The following TMEM63A variants were observed in gnomAD, a reference collection of about 807,000 sequenced individuals.
TMEM63A encodes the protein transmembrane protein 63A.
Under a neutral mutation model 100.6 loss-of-function variants are expected in TMEM63A, and 76 were observed. The observed-to-expected ratio is 0.76, with a 90% CI of 0.63 to 0.91. The LOEUF is 0.91. TMEM63A is among the 40% of genes least tolerant of loss of function. TMEM63A has a pLI of 0.00. For missense variants in TMEM63A, 876 were observed against 1,008.8 expected (o/e 0.87, Z 1.78); for synonymous variants, 401 against 401.1 (o/e 1.00, Z 0.00).
Position 225,866,701 on chromosome 1 carries a change from G to A in TMEM63A, c.567-19C>T. On this transcript the variant is annotated intron_variant, in intron 8 of 24. Coordinates refer to ENST00000366835, the MANE Select transcript of TMEM63A (RefSeq NM_014698.3). ...GTCATTGCTGAGAGGGAAACCACCT[G>A]CCATCAGGGCTGGGATCCCAGGCAG... The A allele has an allele frequency of 6.2e-7, 1 of 1,610,446 alleles. No individual in the cohort carries two copies. The highest frequency in any genetic ancestry group is 8.5e-7 in the Non-Finnish European group (1 of 1,177,084).
At chr1:225,842,554 G>A, downstream of TMEM63A, 7 of 1,049,358 alleles carry the variant, frequency 6.7e-6, no homozygotes, top group Admixed American at 3.4e-5. Flanking sequence ...CCCTTGTCTG[G>A]TTGCTCTGCA....
downstream of TMEM63A, chr1:225,844,348 C>A: frequency 1.6e-6 from 2 of 1,254,718 alleles, no homozygotes; most frequent in Non-Finnish European, 2.3e-6. Flanking sequence ...CGCAGCCTGC[C>A]TGTGACACGA....
intron 10 of TMEM63A, chr1:225,864,780 G>A (rs1670117244): frequency 6.6e-6 from 1 of 152,226 alleles, no homozygotes; most frequent in Admixed American, 6.5e-5. Flanking sequence ...TTAAAGTGCA[G>A]CCAACTCCTA....
chr1:225,862,763 C>A lies in TMEM63A; in HGVS notation c.827+8G>T. On this transcript the variant is annotated splice_region_variant and intron_variant, in intron 11 of 24. Coordinates refer to ENST00000366835, the MANE Select transcript of TMEM63A (RefSeq NM_014698.3). The surrounding 1 kb of genome is among the most constrained non-coding windows in gnomAD (Gnocchi z 5.1). The stretch of plus-strand genomic sequence containing the variant: ...GGGGGCATCTTGCAAGGCCCGCCCA[C>A]CACTCACTTCTCCTTGCACAGGTAG... 1 of 1,614,008 alleles carries A rather than the reference C, an allele frequency of 6.2e-7. No homozygotes were observed. Among genetic ancestry groups the A allele is most frequent in the Non-Finnish European group, 8.5e-7 (1 of 1,180,010 alleles).
intron 4 of TMEM63A, among the ~76,000 whole-genome samples, chr1:225,873,182 C>T (rs1670605843): frequency 6.6e-6 from 1 of 152,210 alleles, no homozygotes. Flanking sequence ...TGACCAAGGT[C>T]GCACAGCCAG....
In TMEM63A at chr1:225,853,923, G is replaced by C; in HGVS notation, c.1635-132C>G. On this transcript the variant is annotated intron_variant, in intron 18 of 24. Coordinates refer to ENST00000366835, the MANE Select transcript of TMEM63A (RefSeq NM_014698.3). The surrounding 1 kb of genome is among the most constrained non-coding windows in gnomAD (Gnocchi z 4.0). ...TCTTCCGTTCATTCAGCACATATTT[G>C]GGAAACACATCTGTGTGCCAAGCAC... The C allele has an allele frequency of 1.1e-6, 1 of 886,282 alleles. No individual in the cohort carries two copies. The highest frequency in any genetic ancestry group is 1.6e-6 in the Non-Finnish European group (1 of 608,786). The allele number at this position is 886,282 out of a possible 1,614,324, so 54.9% of individuals were successfully genotyped here.
chr1:225,852,866 G>A, intron 19 of TMEM63A, 97 bp from the exon 20 acceptor site: 2 of 1,116,018 alleles, frequency 1.8e-6, no homozygotes, highest in Non-Finnish European at 2.7e-6. Flanking sequence ...GGTGGAGGAG[G>A]ACTTTGGAAA....
intron 17 of TMEM63A, 90 bp from the exon 18 acceptor site, chr1:225,856,030 G>A: frequency 7.3e-7 from 1 of 1,368,686 alleles, no homozygotes; most frequent in East Asian, 2.4e-5. Context: ...TCTAAAAACA[G>A]GCCAAAGCTC....
downstream of TMEM63A, chr1:225,842,613 C>A: frequency 1.3e-6 from 1 of 748,944 alleles, no homozygotes; most frequent in African/African-American, 1.7e-5. Context: ...AATCCTCACC[C>A]TGTGACCAAC....
At position 225,846,801 on chromosome 1, in the gene TMEM63A, TCTC is replaced by T. The variant is rs1428963907; in HGVS notation, c.*135_*137del. ...AGGGAGGGGCGAGGCCTGCCTGTGC[TCTC>T]CTCACCACTGCTGGGACCAGAAAAG... On this transcript the variant is annotated 3_prime_UTR_variant, in exon 25 of 25. Coordinates refer to ENST00000366835, the MANE Select transcript of TMEM63A (RefSeq NM_014698.3). 1.4e-5 allele frequency: 6 copies of T among 438,150 alleles called. No individual in the cohort carries two copies. The highest frequency in any genetic ancestry group is 5.8e-5 in the South Asian group (1 of 17,252). 27.1% of individuals were successfully genotyped at this position (438,150 alleles called of 1,614,324 possible). A position where few individuals can be genotyped will look rare whatever the true frequency, so the allele number is the denominator to read the frequency against.
In TMEM63A at chr1:225,865,057, C is replaced by T. The variant is rs1039692198; in HGVS notation, c.746+840G>A. On this transcript the variant is annotated intron_variant, in intron 10 of 24. Transcript: ENST00000366835. This position sits in a 1 kb window ranked among gnomAD's most constrained non-coding sequence, Gnocchi z 4.6. ...GATGCCTTAAGTCCAGGAGTTGAGG[C>T]CGCAGTAAGCTATTATTGCACTACT... 1.3e-5 allele frequency: 2 copies of T among 152,068 alleles called. No homozygotes were observed. Among genetic ancestry groups the T allele is most frequent in the Non-Finnish European group, 2.9e-5 (2 of 68,040 alleles). The allele number at this position is 152,068 out of a possible 1,614,324, so 9.4% of individuals were successfully genotyped here. A position where few individuals can be genotyped will look rare whatever the true frequency, so the allele number is the denominator to read the frequency against.
At chr1:225,845,245 C>T (rs763803179), downstream of TMEM63A, 1 of 1,614,112 alleles carries the variant, frequency 6.2e-7, no homozygotes, top group Admixed American at 1.7e-5. Context: ...AGCTCATCTC[C>T]TATTCCTACA....
downstream of TMEM63A, chr1:225,845,037 T>C: frequency 8.5e-7 from 1 of 1,181,066 alleles, no homozygotes; most frequent in African/African-American, 1.5e-5. Context: ...TATGGCTCCT[T>C]GTGGGTGGGC....
intron 18 of TMEM63A, among the ~76,000 whole-genome samples, chr1:225,854,312 T>TG (rs1343348094): frequency 6.6e-6 from 1 of 152,112 alleles, no homozygotes; most frequent in Non-Finnish European, 1.5e-5. Context: ...TGAAAGGGGC[T>TG]GGGGGCCAGC....
Position 225,867,025 on chromosome 1 carries a change from GAGTA to G in TMEM63A, c.566+83_566+86del, listed in dbSNP as rs1670250575. The stretch of plus-strand genomic sequence containing the variant: ...TTCAGATACCAGCCGGCCCCCTTTG[GAGTA>G]CCTCTGGCCTGCCCCGGGCTCCTGA... On this transcript the variant is annotated intron_variant, in intron 8 of 24. Coordinates refer to ENST00000366835, the MANE Select transcript of TMEM63A (RefSeq NM_014698.3). This position sits in a 1 kb window ranked among gnomAD's most constrained non-coding sequence, Gnocchi z 4.6. 14 of 1,412,634 alleles carry G rather than the reference GAGTA, an allele frequency of 9.9e-6. No individual in the cohort carries two copies. The Admixed American group carries it at 2.3e-4, about 24-fold the overall frequency. 87.5% of individuals were successfully genotyped at this position (1,412,634 alleles called of 1,614,324 possible).
chr1:225,859,125 C>A, intron 15 of TMEM63A, 71 bp downstream of exon 15: 1 of 1,604,800 alleles, frequency 6.2e-7, no homozygotes, highest in Non-Finnish European at 8.5e-7. Context: ...CCTGTCCCCA[C>A]TCCTTCCCCA....
rs553578689 is a variant in TMEM63A, at chr1:225,848,395, G to T, written c.2250+97C>A. On this transcript the variant is annotated intron_variant, in intron 23 of 24. Coordinates refer to ENST00000366835, the MANE Select transcript of TMEM63A (RefSeq NM_014698.3). ...TGCCTGCCATGTGATCTTAGCAAGA[G>T]ATGATCAAAGATTTGCCGGGGCCCA... 10 of 1,290,288 alleles carry T rather than the reference G, an allele frequency of 7.8e-6. No homozygotes were observed. In the African/African-American group the frequency reaches 1.0e-4, roughly 13 times the overall value. 79.9% of individuals were successfully genotyped at this position (1,290,288 alleles called of 1,614,324 possible).
downstream of TMEM63A, chr1:225,845,277 C>G (rs373221599): frequency 6.2e-7 from 1 of 1,613,404 alleles, no homozygotes; most frequent in Non-Finnish European, 8.5e-7. Flanking sequence ...GGCCACTTTG[C>G]GGCCTTTGAG....
downstream of TMEM63A, chr1:225,842,606 C>A: frequency 1.3e-6 from 1 of 778,968 alleles, no homozygotes. Flanking sequence ...TCTTACAAAT[C>A]CTCACCCTGT....
Sources: gnomAD v4.1 joint callset for allele counts (sites outside exome capture counted in the v4.1 genomes callset) on GRCh38, gnomAD v4.1.1 for gene constraint, Gnocchi (gnomAD v3.1) non-coding constraint, MANE v1.5 for transcripts, NCBI Gene and HGNC (gene_info 2026-07-23, HGNC 2026-07-21) for gene names.